HMGCLL1: variants seen among roughly 807,000 people sequenced by gnomAD.
HMGCLL1 encodes 3-hydroxymethyl-3-methylglutaryl-CoA lyase, cytoplasmic.
In HMGCLL1, 36 loss-of-function variants were observed where a neutral mutation model predicts 39.1. The observed-to-expected ratio is 0.92, with a 90% CI of 0.71 to 1.22. The LOEUF (loss-of-function observed/expected upper bound fraction) is 1.22. Ranked by LOEUF, HMGCLL1 falls within the 50% of genes most tolerant of loss-of-function variation. HMGCLL1 has a pLI of 0.00. For synonymous variants in HMGCLL1, 149 were observed against 144.0 expected (o/e 1.03, Z -0.25); for missense variants, 451 against 416.5 (o/e 1.08, Z -0.72).
intron 3 of HMGCLL1, among the ~76,000 whole-genome samples, chr6:55,535,746 GATA>G (rs1768981372): frequency 6.6e-6 from 1 of 152,104 alleles, no homozygotes; most frequent in Non-Finnish European, 1.5e-5. Context: ...AACTCATCTG[GATA>G]ATAATGGATG....
At chr6:55,439,178 A>G (rs1763490230) in intron 8 of HMGCLL1, among the ~76,000 whole-genome samples, 1 of 152,148 alleles carries the variant, frequency 6.6e-6, no homozygotes, top group South Asian at 2.1e-4. Flanking sequence ...CAGATAATAC[A>G]TGAAAAAGTT....
chr6:55,657,832 T>C, the HMGCLL1 span, among the ~76,000 whole-genome samples: 1 of 151,942 alleles, frequency 6.6e-6, no homozygotes, highest in Non-Finnish European at 1.5e-5. Flanking sequence ...CTACATGTTC[T>C]AATTTATAAG....
intron 3 of HMGCLL1, among the ~76,000 whole-genome samples, chr6:55,523,970 A>T (rs911259675): frequency 3.9e-5 from 6 of 151,988 alleles, no homozygotes; most frequent in African/African-American, 1.4e-4. Flanking sequence ...TTAATTGCAT[A>T]AAATTACAAA....
At chr6:55,465,476 T>C (rs1369984982) in intron 7 of HMGCLL1, among the ~76,000 whole-genome samples, 1 of 152,082 alleles carries the variant, frequency 6.6e-6, no homozygotes, top group East Asian at 1.9e-4. Flanking sequence ...CTTATTTTAG[T>C]ACATTGGCTT....
intron 7 of HMGCLL1, among the ~76,000 whole-genome samples, chr6:55,454,623 C>T (rs959517445): frequency 2.0e-5 from 3 of 152,142 alleles, no homozygotes; most frequent in African/African-American, 7.2e-5. Flanking sequence ...TGGGTACCAT[C>T]ACAAGGACAG....
At chr6:55,627,922 A>G in the HMGCLL1 span, among the ~76,000 whole-genome samples, 163 of 2,338 alleles carry the variant, frequency 0.07, 20 homozygotes, top group South Asian at 0.19. Flanking sequence ...TATATATATA[A>G]TATATATACT....
chr6:55,478,226 CT>C (rs1227319259), intron 7 of HMGCLL1, among the ~76,000 whole-genome samples: 3 of 150,938 alleles, frequency 2.0e-5, no homozygotes, highest in Non-Finnish European at 4.4e-5. Flanking sequence ...ATATTTTGCC[CT>C]TTTTCATTCC....
the HMGCLL1 span, among the ~76,000 whole-genome samples, chr6:55,649,360 A>G: frequency 5.6e-4 from 84 of 150,368 alleles, no homozygotes; most frequent in African/African-American, 1.8e-3. Flanking sequence ...AAATACTCAT[A>G]TATAGGGTAA....
intron 7 of HMGCLL1, among the ~76,000 whole-genome samples, chr6:55,486,484 T>A (rs9475312): frequency 0.67 from 102,429 of 151,810 alleles, 34,563 homozygotes; most frequent in Non-Finnish European, 0.7. Flanking sequence ...ACGAACTCAT[T>A]AAATATGGAT....
At chr6:55,457,898 C>G (rs1019101459) in intron 7 of HMGCLL1, among the ~76,000 whole-genome samples, 1 of 152,130 alleles carries the variant, frequency 6.6e-6, no homozygotes, top group Non-Finnish European at 1.5e-5. Context: ...ATTTCCCTCA[C>G]TGGGGCCATG....
At position 55,538,835 on chromosome 6, in the gene HMGCLL1, TAC is replaced by T. The variant is rs201267189; in HGVS notation, c.297+2892_297+2893del. 6.4e-3 allele frequency among the ~76,000 whole-genome samples: 956 copies of T among 148,594 alleles called. 12 individuals carry two copies. The highest frequency in any genetic ancestry group is 0.021 in the African/African-American group (857 of 40,208). On this transcript the variant is annotated intron_variant, in intron 3 of 8. Transcript: ENST00000274901. Reference sequence around the variant, plus strand: ...CTAATCAAAACAAAATATATACACATACACACACACACACACACACTATAAAC... The same window carrying T: ...CTAATCAAAACAAAATATATACACATACACACACACACACACACTATAAAC...
intron 7 of HMGCLL1, among the ~76,000 whole-genome samples, chr6:55,484,807 T>G (rs1765929269): frequency 6.6e-6 from 1 of 152,206 alleles, no homozygotes; most frequent in Non-Finnish European, 1.5e-5. Flanking sequence ...TATTTCTAAC[T>G]TGTCTCCTAA....
the HMGCLL1 span, among the ~76,000 whole-genome samples, chr6:55,603,399 G>T: frequency 6.6e-6 from 1 of 151,956 alleles, no homozygotes; most frequent in Non-Finnish European, 1.5e-5. Context: ...CTTTTTTAAA[G>T]GGTTAGGGAG....
the HMGCLL1 span, among the ~76,000 whole-genome samples, chr6:55,630,962 T>C: frequency 6.6e-6 from 1 of 152,120 alleles, no homozygotes; most frequent in Non-Finnish European, 1.5e-5. Context: ...CTACTTTCTT[T>C]TCTCTTGCTG....
intron 3 of HMGCLL1, among the ~76,000 whole-genome samples, chr6:55,537,776 TC>T (rs1769115273): frequency 1.3e-5 from 2 of 152,170 alleles, no homozygotes; most frequent in African/African-American, 2.4e-5. Context: ...CGGAAGCACT[TC>T]CTCTCACCAC....
the HMGCLL1 span, among the ~76,000 whole-genome samples, chr6:55,647,637 T>C: frequency 5.3e-5 from 8 of 151,840 alleles, no homozygotes; most frequent in African/African-American, 1.9e-4. Context: ...TAACACTGAC[T>C]GCATAAACAA....
upstream of HMGCLL1, among the ~76,000 whole-genome samples, chr6:55,581,139 A>G (rs1771979693): frequency 6.6e-6 from 1 of 152,202 alleles, no homozygotes; most frequent in South Asian, 2.1e-4. Context: ...TAAGACCTCT[A>G]AGATAAGTCA....
the HMGCLL1 span, among the ~76,000 whole-genome samples, chr6:55,650,110 T>TATATATATATATATACACACATATAA: frequency 1.3e-5 from 1 of 74,526 alleles, no homozygotes; most frequent in East Asian, 8.0e-4. Flanking sequence ...TATATATATA[T>TATATATATATATATACACACATATAA]ATATATATAT....
the HMGCLL1 span, among the ~76,000 whole-genome samples, chr6:55,610,726 A>T: frequency 8.5e-5 from 13 of 152,184 alleles, no homozygotes; most frequent in African/African-American, 2.9e-4. Flanking sequence ...ACTAAGACAC[A>T]TAATCATCAG....
Sources: allele counts gnomAD v4.1 joint callset (sites outside exome capture counted in the v4.1 genomes callset), GRCh38; gene constraint gnomAD v4.1.1; transcripts MANE v1.5; gene names NCBI Gene and HGNC (gene_info 2026-07-23, HGNC 2026-07-21).